The following COP1 variants were observed in gnomAD, a reference collection of about 807,000 sequenced individuals.
COP1 encodes the protein COP1 E3 ubiquitin ligase, also known as E3 ubiquitin-protein ligase COP1.
Under a neutral mutation model 101.3 loss-of-function variants are expected in COP1, and 24 were observed. The observed-to-expected ratio is 0.24, with a 90% CI of 0.17 to 0.33. COP1 has a LOEUF of 0.33. Among genes scored for constraint, COP1 ranks in the 10% least tolerant of loss-of-function variants. The pLI, the probability that COP1 is intolerant of heterozygous loss-of-function variation, is 1.00. For missense variants in COP1, 663 were observed against 906.2 expected, an observed-to-expected ratio of 0.73 and a Z score of 3.45; for synonymous variants, 347 against 341.9, an observed-to-expected ratio of 1.01 and a Z score of -0.17.
chr1:176,200,788 G>A (rs1217924666), intron 1 of COP1, among the ~76,000 whole-genome samples: 1 of 152,226 alleles, frequency 6.6e-6, no homozygotes, highest in Middle Eastern at 3.4e-3. Flanking sequence ...AAAGAAAGAG[G>A]ACAAAGAACA....
intron 18 of COP1, among the ~76,000 whole-genome samples, chr1:175,958,423 A>C (rs1056048587): frequency 7.2e-5 from 11 of 151,998 alleles, no homozygotes; most frequent in Non-Finnish European, 1.6e-4. Context: ...TATTTCCCCC[A>C]AAATAAGGCA....
chr1:175,955,783 C>CACACACACACACACACACAT, intron 18 of COP1, among the ~76,000 whole-genome samples: 1 of 139,884 alleles, frequency 7.1e-6, no homozygotes, highest in African/African-American at 2.6e-5. Flanking sequence ...CACACACACA[C>CACACACACACACACACACAT]ACACACACAC....
chr1:176,181,782 G>A (rs1251438123), intron 2 of COP1, among the ~76,000 whole-genome samples: 1 of 151,978 alleles, frequency 6.6e-6, no homozygotes, highest in Non-Finnish European at 1.5e-5. Context: ...GGTGGAGGTT[G>A]CAGTGAGCGG....
chr1:176,116,711 T>TTAACATTTTTTTA, intron 8 of COP1, 30 bp from the exon 9 acceptor site: 1 of 1,480,952 alleles, frequency 6.8e-7, no homozygotes. Flanking sequence ...AAATGTGATT[T>TTAACATTTTTTTA]CAGTATTTAC....
chr1:176,136,460 A>AGG, intron 7 of COP1, 28 bp downstream of exon 7: 1 of 1,479,574 alleles, frequency 6.8e-7, no homozygotes, highest in Non-Finnish European at 9.3e-7. Flanking sequence ...AAAATTGCTA[A>AGG]GGATGTGAGA....
intron 11 of COP1, among the ~76,000 whole-genome samples, chr1:176,059,877 A>T (rs1222332339): frequency 6.6e-6 from 1 of 151,956 alleles, no homozygotes; most frequent in African/African-American, 2.4e-5. Context: ...TATCCTTTGT[A>T]TTTTTTTTCA....
intron 18 of COP1, chr1:175,968,352 A>C (rs773959582): frequency 2.1e-6 from 1 of 476,760 alleles, no homozygotes; most frequent in Non-Finnish European, 4.2e-6. Flanking sequence ...GCAGATACTG[A>C]ATAAAATGGC....
rs147482700 is a variant in COP1 at position 176,044,623 on chromosome 1, T to C, written c.1422-805A>G. 1.9e-3 allele frequency among the ~76,000 whole-genome samples: 289 copies of C among 152,312 alleles called. 3 individuals are homozygous for C. Among genetic ancestry groups the C allele is most frequent in the African/African-American group, 6.7e-3 (279 of 41,574 alleles). ...TTCTGGTAGAAATTATCTGGAACAATTAAGAGACACATTTTGAATTTAGGT... is the reference window on the plus strand; with the variant it reads ...TTCTGGTAGAAATTATCTGGAACAACTAAGAGACACATTTTGAATTTAGGT... On this transcript the variant is annotated intron_variant, in intron 12 of 19. Coordinates refer to ENST00000367669, the MANE Select transcript of COP1 (RefSeq NM_022457.7).
intron 18 of COP1, among the ~76,000 whole-genome samples, chr1:175,964,503 T>TA (rs1273917754): frequency 6.6e-6 from 1 of 152,184 alleles, no homozygotes; most frequent in East Asian, 1.9e-4. Flanking sequence ...ACAGAAAATG[T>TA]AAAGTACACT....
At chr1:176,048,393 G>A (rs1376911729) in intron 11 of COP1, among the ~76,000 whole-genome samples, 2 of 151,872 alleles carry the variant, frequency 1.3e-5, no homozygotes, top group Non-Finnish European at 2.9e-5. Flanking sequence ...GCACAATTCA[G>A]CAAATGTTCC....
chr1:176,082,739 A>G (rs1376806030), intron 10 of COP1, among the ~76,000 whole-genome samples: 2 of 151,950 alleles, frequency 1.3e-5, no homozygotes, highest in African/African-American at 4.8e-5. Flanking sequence ...CGGGAGGTGG[A>G]GGTTGCAGTG....
At chr1:176,134,079 A>G (rs1689403253) in intron 8 of COP1, among the ~76,000 whole-genome samples, 2 of 151,982 alleles carry the variant, frequency 1.3e-5, no homozygotes, top group Non-Finnish European at 2.9e-5. Context: ...CTCCTTAACT[A>G]GAACATCCCT....
intron 17 of COP1, 148 bp from the exon 18 acceptor site, chr1:175,987,251 A>G (rs1657344340): frequency 2.1e-6 from 1 of 465,478 alleles, no homozygotes; most frequent in Non-Finnish European, 3.8e-6. Context: ...CTAATTAGAA[A>G]TCATGTAAGA....
intron 3 of COP1, among the ~76,000 whole-genome samples, chr1:176,168,135 G>A (rs791750): frequency 0.29 from 44,194 of 150,902 alleles, 7,105 homozygotes; most frequent in East Asian, 0.52. Flanking sequence ...TCGGCTCACC[G>A]CAACCTCCGC....
intron 11 of COP1, among the ~76,000 whole-genome samples, chr1:176,056,260 T>G (rs1198533132): frequency 2.6e-5 from 4 of 152,232 alleles, no homozygotes; most frequent in Non-Finnish European, 4.4e-5. Flanking sequence ...AGAAGGTATA[T>G]TCTTTATAAA....
At chr1:176,197,991 G>A (rs1407204311) in intron 1 of COP1, among the ~76,000 whole-genome samples, 4 of 152,080 alleles carry the variant, frequency 2.6e-5, no homozygotes, top group African/African-American at 9.7e-5. Flanking sequence ...ACACTGCTAA[G>A]AGAAATTACA....
chr1:176,015,172 T>C (rs927588218), intron 15 of COP1, among the ~76,000 whole-genome samples: 1 of 152,106 alleles, frequency 6.6e-6, no homozygotes, highest in African/African-American at 2.4e-5. Flanking sequence ...CATGAAATAA[T>C]GTAGGATGAA....
chr1:176,043,597 A>C (rs1035281903), intron 13 of COP1, 113 bp downstream of exon 13: 2 of 723,742 alleles, frequency 2.8e-6, no homozygotes, highest in African/African-American at 3.5e-5. Context: ...CACAGGTATA[A>C]AAAATACTAA....
intron 14 of COP1, among the ~76,000 whole-genome samples, chr1:176,029,799 T>C (rs761883545): frequency 2.0e-5 from 3 of 152,224 alleles, no homozygotes; most frequent in Non-Finnish European, 4.4e-5. Flanking sequence ...ACCACTTCTA[T>C]GAAACGGGAT....
Sources: allele counts gnomAD v4.1 joint callset (sites outside exome capture counted in the v4.1 genomes callset), GRCh38; gene constraint gnomAD v4.1.1; transcripts MANE v1.5; gene names NCBI Gene and HGNC (gene_info 2026-07-23, HGNC 2026-07-21).